The following SLC24A2 variants were observed in gnomAD, a reference collection of about 807,000 sequenced individuals.
SLC24A2 encodes the protein solute carrier family 24 member 2.
A neutral mutation model predicts 62.0 loss-of-function variants in SLC24A2; 36 were observed. The observed-to-expected ratio is 0.58, with a 90% CI of 0.44 to 0.77. SLC24A2 has a LOEUF of 0.77. Among genes scored for constraint, SLC24A2 ranks in the 30% least tolerant of loss-of-function variants. The pLI is 0.00. For synonymous variants in SLC24A2, 358 were observed against 294.0 expected (o/e 1.22, Z -2.23); for missense variants, 846 against 817.9 (o/e 1.03, Z -0.42).
chr9:19,837,743 C>A, the SLC24A2 span, among the ~76,000 whole-genome samples: 1 of 151,916 alleles, frequency 6.6e-6, no homozygotes, highest in South Asian at 2.1e-4. Flanking sequence ...AATCAATGTG[C>A]AAAAATCACA....
chr9:19,532,709 C>G (rs1276233787), intron 8 of SLC24A2, among the ~76,000 whole-genome samples: 1 of 152,152 alleles, frequency 6.6e-6, no homozygotes, highest in Non-Finnish European at 1.5e-5. Context: ...GTCACCAAAC[C>G]TCTGTGGGTG....
the SLC24A2 span, among the ~76,000 whole-genome samples, chr9:20,211,406 G>A: frequency 6.6e-6 from 1 of 152,150 alleles, no homozygotes; most frequent in Admixed American, 6.5e-5. Flanking sequence ...CAGCTACTAG[G>A]GCGGCTGAGG....
chr9:19,865,375 AC>A, the SLC24A2 span, among the ~76,000 whole-genome samples: 1 of 152,148 alleles, frequency 6.6e-6, no homozygotes, highest in South Asian at 2.1e-4. Context: ...CACAAAAGAC[AC>A]AAAAGACCCA....
At chr9:20,175,409 T>G in the SLC24A2 span, among the ~76,000 whole-genome samples, 2 of 151,850 alleles carry the variant, frequency 1.3e-5, no homozygotes, top group African/African-American at 4.8e-5. Context: ...AAAGAAAAAG[T>G]TTGAGGTATA....
chr9:19,576,373 A>C (rs1468714759), intron 6 of SLC24A2, among the ~76,000 whole-genome samples: 1 of 152,214 alleles, frequency 6.6e-6, no homozygotes, highest in Non-Finnish European at 1.5e-5. Context: ...TGCAAAAGTC[A>C]GTGGAAAGAG....
chr9:19,551,414 C>G (rs1263137502), intron 7 of SLC24A2, among the ~76,000 whole-genome samples: 4 of 152,102 alleles, frequency 2.6e-5, no homozygotes, highest in Non-Finnish European at 5.9e-5. Flanking sequence ...GGGGGAGGGT[C>G]TGGGCCCAGC....
At chr9:20,058,014 C>T in the SLC24A2 span, among the ~76,000 whole-genome samples, 1 of 152,014 alleles carries the variant, frequency 6.6e-6, no homozygotes, top group Non-Finnish European at 1.5e-5. Flanking sequence ...AACAAACAAA[C>T]AAAAAACTTT....
the SLC24A2 span, among the ~76,000 whole-genome samples, chr9:19,995,314 A>T: frequency 2.0e-5 from 3 of 152,216 alleles, no homozygotes; most frequent in African/African-American, 7.2e-5. Flanking sequence ...AAATATGTTC[A>T]TCCTTCAGTC....
chr9:19,792,963 G>T (rs917680770), upstream of SLC24A2, among the ~76,000 whole-genome samples: 2 of 152,202 alleles, frequency 1.3e-5, no homozygotes, highest in Middle Eastern at 3.4e-3. Flanking sequence ...AAAGAACTGG[G>T]GTTATTTTTA....
At chr9:19,772,847 C>T (rs764095181) in intron 2 of SLC24A2, among the ~76,000 whole-genome samples, 19 of 152,084 alleles carry the variant, frequency 1.2e-4, no homozygotes, top group Admixed American at 2.0e-4. Flanking sequence ...TAAGCATATG[C>T]CAAAGAGAAC....
At chr9:19,980,421 CCAT>C in the SLC24A2 span, among the ~76,000 whole-genome samples, 2 of 152,088 alleles carry the variant, frequency 1.3e-5, no homozygotes, top group African/African-American at 4.8e-5. Flanking sequence ...AATGGTTGCA[CCAT>C]CAAGTGCAGG....
chr9:19,754,995 C>T (rs143168504), intron 2 of SLC24A2, among the ~76,000 whole-genome samples: 53 of 152,170 alleles, frequency 3.5e-4, no homozygotes, highest in African/African-American at 1.2e-3. Context: ...TTTCTGCAAC[C>T]GAGCCTAGAC....
intron 2 of SLC24A2, among the ~76,000 whole-genome samples, chr9:19,732,311 T>G (rs113566604): frequency 6.5e-4 from 99 of 152,302 alleles, no homozygotes; most frequent in African/African-American, 2.3e-3. Context: ...CACAGTCTGA[T>G]TAGCTTTCAG....
intron 2 of SLC24A2, among the ~76,000 whole-genome samples, chr9:19,771,165 C>T (rs914898806): frequency 1.3e-5 from 2 of 152,202 alleles, no homozygotes; most frequent in African/African-American, 4.8e-5. Context: ...ATAACACTTA[C>T]TTGGGGCTTG....
At chr9:20,068,369 C>T in the SLC24A2 span, among the ~76,000 whole-genome samples, 1 of 152,164 alleles carries the variant, frequency 6.6e-6, no homozygotes, top group Middle Eastern at 3.4e-3. Flanking sequence ...GCCTTCTTGA[C>T]TTTTTAATAA....
the SLC24A2 span, among the ~76,000 whole-genome samples, chr9:19,903,331 G>C: frequency 6.6e-6 from 1 of 152,170 alleles, no homozygotes; most frequent in Non-Finnish European, 1.5e-5. Flanking sequence ...AACAGAGAGA[G>C]AGAGAGTGAG....
the SLC24A2 span, among the ~76,000 whole-genome samples, chr9:19,879,880 T>C: frequency 6.6e-6 from 1 of 152,192 alleles, no homozygotes; most frequent in Non-Finnish European, 1.5e-5. Context: ...ATAATTACCT[T>C]GATCCCCTCA....
intron 2 of SLC24A2, among the ~76,000 whole-genome samples, chr9:19,774,722 C>T (rs1019648614): frequency 1.3e-5 from 2 of 152,138 alleles, no homozygotes; most frequent in Non-Finnish European, 2.9e-5. Context: ...TACAGAGAAG[C>T]AGAAACTCAT....
chr9:20,085,575 C>G, the SLC24A2 span, among the ~76,000 whole-genome samples: 1 of 152,148 alleles, frequency 6.6e-6, no homozygotes, highest in East Asian at 1.9e-4. Context: ...ACTTAAGTAG[C>G]ATGAAGAGTA....
Sources: allele counts gnomAD v4.1 joint callset (sites outside exome capture counted in the v4.1 genomes callset), GRCh38; gene constraint gnomAD v4.1.1; transcripts MANE v1.5; gene names NCBI Gene and HGNC (gene_info 2026-07-23, HGNC 2026-07-21).